NTN1: variants seen among roughly 807,000 people sequenced by gnomAD.
NTN1 encodes netrin 1.
NTN1 carries 11 observed loss-of-function variants against 54.2 expected under a neutral mutation model. The ratio of observed to expected loss-of-function variants is 0.20; its 90% confidence interval spans 0.13 to 0.34. The LOEUF (loss-of-function observed/expected upper bound fraction) is 0.34, where lower values mean the gene tolerates loss of function less well. Ranked by LOEUF, NTN1 falls within the 10% of genes least tolerant of loss-of-function variation. The probability of loss-of-function intolerance (pLI) is 1.00; values close to 1 mark genes in which losing one functional copy is unlikely to be tolerated. For synonymous variants in NTN1, 371 were observed against 382.0 expected, an observed-to-expected ratio of 0.97 and a Z score of 0.33; for missense variants, 740 against 893.1, an observed-to-expected ratio of 0.83 and a Z score of 2.18.
At chr17:9,169,829 CACTCCAGCCTGGGTGACAGGGCGAG>C (rs954569780) in intron 3 of NTN1, among the ~76,000 whole-genome samples, 1 of 152,206 alleles carries the variant, frequency 6.6e-6, no homozygotes, top group Admixed American at 6.5e-5. Flanking sequence ...CGCACCATTG[CACTCCAGCCTGGGTGACAGGGCGAG>C]ACTCCGTCTC....
chr17:9,152,451 G>A lies in NTN1; in HGVS notation c.1019-10362G>A, dbSNP rs76221589. ...CCACGCCCCTCTGATGGTTCCCCTG[G>A]GAAGGCTCCCATACCTCCACTTTCA... On this transcript the variant is annotated intron_variant, in intron 2 of 6. Coordinates refer to ENST00000173229, the MANE Select transcript of NTN1 (RefSeq NM_004822.3). Among the ~76,000 whole-genome samples, 49 of 152,214 alleles carry A rather than the reference G, an allele frequency of 3.2e-4. 2 individuals are homozygous for A. In the East Asian group the frequency reaches 9.5e-3, roughly 29 times the overall value.
intron 6 of NTN1, among the ~76,000 whole-genome samples, chr17:9,235,750 CT>C (rs1163805143): frequency 0.049 from 2,503 of 50,776 alleles, 42 homozygotes; most frequent in African/African-American, 0.1. Context: ...TTTTTTTTTT[CT>C]TTTTTTTTTT....
intron 5 of NTN1, among the ~76,000 whole-genome samples, chr17:9,190,225 A>G (rs1904415857): frequency 6.6e-6 from 1 of 152,244 alleles, no homozygotes; most frequent in African/African-American, 2.4e-5. Flanking sequence ...TGTAAAGAAA[A>G]GAACAAGACT....
chr17:9,217,179 T>C (rs1376072085), intron 5 of NTN1, among the ~76,000 whole-genome samples: 1 of 152,216 alleles, frequency 6.6e-6, no homozygotes, highest in Admixed American at 6.5e-5. Flanking sequence ...TGCTTATTTG[T>C]TCTCTGGTCT....
intron 2 of NTN1, among the ~76,000 whole-genome samples, chr17:9,099,513 C>T (rs9894396): frequency 0.19 from 28,631 of 151,922 alleles, 3,096 homozygotes; most frequent in Non-Finnish European, 0.24. Context: ...TCCTTCCTTC[C>T]CTCCCTCTCT....
At chr17:9,036,075 G>A (rs1473280909) in intron 2 of NTN1, among the ~76,000 whole-genome samples, 1 of 152,132 alleles carries the variant, frequency 6.6e-6, no homozygotes, top group Non-Finnish European at 1.5e-5. Flanking sequence ...TACCCAGGCT[G>A]GTCTTGAATT....
At chr17:9,094,194 C>T (rs2092122673) in intron 2 of NTN1, among the ~76,000 whole-genome samples, 1 of 152,164 alleles carries the variant, frequency 6.6e-6, no homozygotes, top group Admixed American at 6.5e-5. Flanking sequence ...GACTCTCTTG[C>T]TGCAACCTAA....
At chr17:9,220,194 G>A (rs1176036498) in intron 5 of NTN1, among the ~76,000 whole-genome samples, 2 of 152,216 alleles carry the variant, frequency 1.3e-5, no homozygotes, top group Non-Finnish European at 2.9e-5. Flanking sequence ...CACTGGGCAG[G>A]TGGCTTACCC....
intron 6 of NTN1, among the ~76,000 whole-genome samples, chr17:9,228,820 C>CTGTGTATGTG (rs1905686315): frequency 7.1e-6 from 1 of 141,310 alleles, no homozygotes. Flanking sequence ...ATCTGTTCAG[C>CTGTGTATGTG]TGTGTGTGTG....
intron 2 of NTN1, among the ~76,000 whole-genome samples, chr17:9,139,074 G>C (rs76121710): frequency 2.0e-5 from 3 of 152,130 alleles, no homozygotes; most frequent in Non-Finnish European, 4.4e-5. Context: ...AAAGGTCTTC[G>C]GGGGACAGGG....
chr17:9,139,337 G>T (rs2092290739), intron 2 of NTN1, among the ~76,000 whole-genome samples: 1 of 152,188 alleles, frequency 6.6e-6, no homozygotes, highest in African/African-American at 2.4e-5. Flanking sequence ...TGGGCAGAAT[G>T]AGGGCAGAGG....
intron 6 of NTN1, among the ~76,000 whole-genome samples, chr17:9,224,287 C>T (rs897825804): frequency 2.0e-5 from 3 of 152,174 alleles, no homozygotes; most frequent in African/African-American, 7.2e-5. Flanking sequence ...AACCTGACAC[C>T]CTCCTTTCGT....
At chr17:9,019,323 A>G (rs1271511089), upstream of NTN1, among the ~76,000 whole-genome samples, 1 of 152,244 alleles carries the variant, frequency 6.6e-6, no homozygotes, top group African/African-American at 2.4e-5. Context: ...AAAAATTAAA[A>G]TGACATTATA....
intron 2 of NTN1, among the ~76,000 whole-genome samples, chr17:9,094,754 G>C (rs1379042268): frequency 2.0e-5 from 3 of 152,064 alleles, no homozygotes; most frequent in African/African-American, 4.8e-5. Context: ...ACTTTGGAAG[G>C]CTGAGGCAGG....
At chr17:9,099,468 A>G (rs933254406) in intron 2 of NTN1, among the ~76,000 whole-genome samples, 1 of 152,184 alleles carries the variant, frequency 6.6e-6, no homozygotes, top group Non-Finnish European at 1.5e-5. Context: ...TTGACCAAAC[A>G]TGTTGTTAGA....
At chr17:9,131,607 G>A (rs1479503767) in intron 2 of NTN1, among the ~76,000 whole-genome samples, 1 of 145,046 alleles carries the variant, frequency 6.9e-6, no homozygotes, top group Non-Finnish European at 1.5e-5. Context: ...TTGAGGTGAA[G>A]TCTTGCTCTG....
chr17:9,109,949 CTT>C (rs2092184487), intron 2 of NTN1, among the ~76,000 whole-genome samples: 1 of 152,144 alleles, frequency 6.6e-6, no homozygotes, highest in Non-Finnish European at 1.5e-5. Context: ...TAGTGTGTGT[CTT>C]TTCTCTTGGG....
intron 5 of NTN1, among the ~76,000 whole-genome samples, chr17:9,195,390 C>G (rs1196408151): frequency 1.3e-5 from 2 of 152,188 alleles, no homozygotes; most frequent in Non-Finnish European, 2.9e-5. Context: ...TTTAGCCCTT[C>G]TTGGGAGCTC....
Position 9,221,061 on chromosome 17 carries a change from C to A in NTN1, c.1412-107C>A. On this transcript the variant is annotated intron_variant, in intron 5 of 6. Coordinates refer to ENST00000173229, the MANE Select transcript of NTN1 (RefSeq NM_004822.3). The surrounding 1 kb of genome is among the most constrained non-coding windows in gnomAD (Gnocchi z 4.5). ...CCCGCCCGGCCTGGCCCATGGGTATCACAGGCCTCTGGCTATTTAGGGAGG... is the reference window on the plus strand; with the variant it reads ...CCCGCCCGGCCTGGCCCATGGGTATAACAGGCCTCTGGCTATTTAGGGAGG... 1.2e-6 allele frequency: 1 copy of A among 855,040 alleles called. No individual in the cohort carries two copies. Among genetic ancestry groups the A allele is most frequent in the South Asian group, 1.4e-5 (1 of 72,078 alleles). 53.0% of individuals were successfully genotyped at this position (855,040 alleles called of 1,614,324 possible).
Sources: gnomAD v4.1 joint callset for allele counts (sites outside exome capture counted in the v4.1 genomes callset) on GRCh38, gnomAD v4.1.1 for gene constraint, Gnocchi (gnomAD v3.1) non-coding constraint, MANE v1.5 for transcripts, NCBI Gene and HGNC (gene_info 2026-07-23, HGNC 2026-07-21) for gene names.